FOXN4: variants seen among roughly 807,000 people sequenced by gnomAD.
FOXN4 encodes the protein forkhead box protein N4.
Under a neutral mutation model 45.0 loss-of-function variants are expected in FOXN4, and 12 were observed. The observed-to-expected ratio is 0.27, with a 90% CI of 0.17 to 0.43. The LOEUF is 0.43. FOXN4 is among the 20% of genes least tolerant of loss of function. The pLI, the probability that FOXN4 is intolerant of heterozygous loss-of-function variation, is 1.00. For missense variants in FOXN4, 560 were observed against 694.9 expected, an observed-to-expected ratio of 0.81 and a Z score of 2.18; for synonymous variants, 297 against 295.0, an observed-to-expected ratio of 1.01 and a Z score of -0.07.
intron 8 of FOXN4, among the ~76,000 whole-genome samples, chr12:109,283,868 T>C (rs960225848): frequency 2.0e-5 from 3 of 152,356 alleles, no homozygotes; most frequent in East Asian, 3.9e-4. Flanking sequence ...CCAACCCCTA[T>C]TGTGAGATGT....
At position 109,287,485 on chromosome 12, in the gene FOXN4, G is replaced by C. The variant is rs958198313; in HGVS notation, c.508C>G (p.Arg170Gly). Residue 170 changes from arginine (R) to glycine (G), a missense_variant, in exon 6 of 10, where the codon CGG becomes GGG. Transcript: ENST00000299162. This position sits in a 1 kb window ranked among gnomAD's most constrained non-coding sequence, Gnocchi z 4.1. ...VGLYGPPFGV[R>G]PPYPQPHVAV... ...ACGTGGGGCTGGGGGTAGGGGGGCC[G>C]CACCCCAAATGGGGGGCCATAGAGG... 6.5e-6 allele frequency: 10 copies of C among 1,548,084 alleles called. No homozygotes were observed. The highest frequency in any genetic ancestry group is 1.7e-4 in the Middle Eastern group (1 of 5,976).
At chr12:109,294,515 C>G (rs140413041) in intron 2 of FOXN4, among the ~76,000 whole-genome samples, 132 of 152,288 alleles carry the variant, frequency 8.7e-4, no homozygotes, top group African/African-American at 3.0e-3. Context: ...GTCTGGTCCT[C>G]TCTTGTGCCC....
intron 8 of FOXN4, among the ~76,000 whole-genome samples, chr12:109,282,713 C>T (rs2047664776): frequency 6.6e-6 from 1 of 152,138 alleles, no homozygotes; most frequent in Non-Finnish European, 1.5e-5. Context: ...TGGATATAAA[C>T]AAGTAAAGAC....
chr12:109,299,001 G>C (rs1315074374), intron 2 of FOXN4, among the ~76,000 whole-genome samples: 2 of 152,138 alleles, frequency 1.3e-5, no homozygotes, highest in Non-Finnish European at 2.9e-5. Flanking sequence ...TTAAGCATCA[G>C]ATCAGATGAG....
At chr12:109,286,592 A>G in intron 7 of FOXN4, 56 bp downstream of exon 7, 1 of 1,538,780 alleles carries the variant, frequency 6.5e-7, no homozygotes, top group East Asian at 2.4e-5. Context: ...GGATTCTGGC[A>G]GCACCAGGAA....
rs539013193 is a variant in FOXN4, at chr12:109,290,194, A to T, written c.179T>A (p.Met60Lys). ...TAVDVPRLQQ[M>K]ASGRVDLGGP... ...ACCCAGGTCCACGCGGCCACTTGCC[A>T]TCTGCTGCAGCCGAGGCACATCCAC... The change falls in exon 3 of 10, where the codon ATG becomes AAG. Residue 60 changes from methionine to lysine, a missense_variant. By Grantham distance (95) the Met-to-Lys change is moderately conservative. Transcript: ENST00000299162. The surrounding 1 kb of genome is among the most constrained non-coding windows in gnomAD (Gnocchi z 5.1). 1 of 1,551,390 alleles carries T rather than the reference A, an allele frequency of 6.4e-7. No homozygotes were observed. The highest frequency in any genetic ancestry group is 1.4e-5 in the African/African-American group (1 of 73,138).
intron 2 of FOXN4, among the ~76,000 whole-genome samples, chr12:109,303,137 A>G (rs184139144): frequency 2.0e-4 from 30 of 152,144 alleles, no homozygotes; most frequent in Non-Finnish European, 5.9e-5. Flanking sequence ...GCATGCACAC[A>G]TGTGTTTTTT....
chr12:109,281,320 C>T, intron 9 of FOXN4, 87 bp downstream of exon 9: 14 of 1,472,034 alleles, frequency 9.5e-6, no homozygotes, highest in Non-Finnish European at 1.3e-5. Flanking sequence ...CAAATGCAGG[C>T]AGTACAGTCC....
rs993854475 is a variant in FOXN4 at position 109,282,362 on chromosome 12, C to T, written c.902-563G>A. Among the ~76,000 whole-genome samples, 4 of 152,006 alleles carry T rather than the reference C, an allele frequency of 2.6e-5. No homozygotes were observed. The South Asian group carries it at 8.3e-4, about 32-fold the overall frequency. Reference sequence around the variant, plus strand: ...ACTTGGGAGGCTGAGGTGGGGGGATCACTTGAGCCCAGGAGGTTGAGGCTG... The same window carrying T: ...ACTTGGGAGGCTGAGGTGGGGGGATTACTTGAGCCCAGGAGGTTGAGGCTG... On this transcript the variant is annotated intron_variant, in intron 8 of 9. Transcript: ENST00000299162.
intron 8 of FOXN4, among the ~76,000 whole-genome samples, chr12:109,284,257 A>G (rs1327626682): frequency 1.3e-5 from 2 of 152,222 alleles, no homozygotes; most frequent in Non-Finnish European, 2.9e-5. Flanking sequence ...GTTTTTGATC[A>G]GGCCCCTCTA....
At chr12:109,286,886 C>T in intron 6 of FOXN4, 142 bp from the exon 7 acceptor site, 5 of 1,434,690 alleles carry the variant, frequency 3.5e-6, no homozygotes, top group South Asian at 3.0e-5. Flanking sequence ...ACAGTGAGCT[C>T]TCAATATCTT....
intron 2 of FOXN4, among the ~76,000 whole-genome samples, chr12:109,300,440 G>C (rs1193474496): frequency 6.6e-6 from 1 of 152,106 alleles, no homozygotes; most frequent in Non-Finnish European, 1.5e-5. Flanking sequence ...TTCACAGATG[G>C]GATGGCTGAG....
rs2047751687 is a variant in FOXN4, at chr12:109,290,090, AC to A, written c.232+50del. 25 of 1,479,462 alleles carry A rather than the reference AC, an allele frequency of 1.7e-5. No individual in the cohort carries two copies. In the South Asian group the frequency reaches 3.4e-4, roughly 20 times the overall value. 91.6% of individuals were successfully genotyped at this position (1,479,462 alleles called of 1,614,324 possible). On this transcript the variant is annotated intron_variant, in intron 3 of 9. Coordinates refer to ENST00000299162, the MANE Select transcript of FOXN4 (RefSeq NM_213596.3). This position sits in a 1 kb window ranked among gnomAD's most constrained non-coding sequence, Gnocchi z 5.1. ...TGGGTGGGTGGCAGGGCTGGGAATC[AC>A]CCCTCTCCTATATCACCCTCCTCCC...
chr12:109,303,707 T>C (rs1185098782), intron 2 of FOXN4, among the ~76,000 whole-genome samples: 1 of 152,178 alleles, frequency 6.6e-6, no homozygotes, highest in Non-Finnish European at 1.5e-5. Flanking sequence ...CCTTCCGTCA[T>C]CTCACTGGGC....
rs145425389 is a variant in FOXN4, at chr12:109,294,643, G to A, written c.87-4357C>T. ...ACTGTGGTGGGAGTCCACTGGCTCC[G>A]AAGGCTGGCTAACTTCCTGCTGTCT... On this transcript the variant is annotated intron_variant, in intron 2 of 9. Coordinates refer to ENST00000299162, the MANE Select transcript of FOXN4 (RefSeq NM_213596.3). Among the ~76,000 whole-genome samples the A allele has an allele frequency of 5.1e-4, 77 of 152,304 alleles. 1 individual carries two copies. The highest frequency in any genetic ancestry group is 1.7e-3 in the African/African-American group (70 of 41,576).
At chr12:109,289,052 G>A (rs1024941762) in intron 3 of FOXN4, among the ~76,000 whole-genome samples, 1 of 152,182 alleles carries the variant, frequency 6.6e-6, no homozygotes, top group Non-Finnish European at 1.5e-5. Flanking sequence ...GAGGAGAGGC[G>A]TCCTTATTTC....
intron 2 of FOXN4, among the ~76,000 whole-genome samples, chr12:109,298,331 G>GTT (rs372774683): frequency 1.6e-4 from 19 of 121,470 alleles, no homozygotes; most frequent in African/African-American, 2.8e-4. Flanking sequence ...TTTGTTTCAG[G>GTT]TTTTTTTTTT....
At chr12:109,292,915 G>C (rs896919819) in intron 2 of FOXN4, among the ~76,000 whole-genome samples, 1 of 152,162 alleles carries the variant, frequency 6.6e-6, no homozygotes, top group Non-Finnish European at 1.5e-5. Flanking sequence ...TGAGCATCTA[G>C]TTGGGCTGAG....
intron 8 of FOXN4, 107 bp downstream of exon 8, chr12:109,285,197 C>T: frequency 1.4e-6 from 2 of 1,389,474 alleles, no homozygotes; most frequent in Non-Finnish European, 2.0e-6. Flanking sequence ...TCGGCTTCAC[C>T]AGGGTTGGCC....
Sources: gnomAD v4.1 joint callset for allele counts (sites outside exome capture counted in the v4.1 genomes callset) on GRCh38, gnomAD v4.1.1 for gene constraint, Gnocchi (gnomAD v3.1) non-coding constraint, MANE v1.5 for transcripts, NCBI Gene and HGNC (gene_info 2026-07-23, HGNC 2026-07-21) for gene names.